Variants in WDR13 observed in about 807,000 individuals in gnomAD.
WDR13 encodes WD repeat-containing protein 13.
A neutral mutation model predicts 28.6 loss-of-function variants in WDR13; 1 was observed. The observed-to-expected ratio is 0.03, with a 90% CI of 0.01 to 0.17. The LOEUF (loss-of-function observed/expected upper bound fraction) is 0.17. Among genes scored for constraint, WDR13 ranks in the 10% least tolerant of loss-of-function variants. The probability of loss-of-function intolerance (pLI) is 1.00; values close to 1 mark genes in which losing one functional copy is unlikely to be tolerated. For synonymous variants in WDR13, 201 were observed against 185.9 expected (o/e 1.08, Z -0.66); for missense variants, 264 against 469.3 (o/e 0.56, Z 4.04).
rs35565194 is a variant in WDR13 at position 48,605,756 on chromosome X, G to A, written c.*724G>A. On this transcript the variant is annotated 3_prime_UTR_variant, in exon 10 of 10. Transcript: ENST00000376729. ...TTTTTGTATTTTTAGTAGAGACGGG[G>A]TCTCGCCATGTTGCTCAGGCTGGTC... is the stretch of plus-strand genomic sequence containing the variant. 32,606 of 109,965 alleles carry A rather than the reference G, an allele frequency of 0.3. 3,786 individuals are homozygous for A. The highest frequency in any genetic ancestry group is 0.44 in the East Asian group (1,492 of 3,420). The allele number at this position is 109,965 out of a possible 1,213,427, so 9.1% of individuals were successfully genotyped here.
chrX:48,604,023 C>T (rs781808446), intron 8 of WDR13, among the ~76,000 whole-genome samples: 6 of 110,701 alleles, frequency 5.4e-5, no homozygotes, highest in South Asian at 3.9e-4. Flanking sequence ...TAGGTAGTCC[C>T]GGCTACTCGG....
rs148267812 is a variant in WDR13, at chrX:48,604,553, G to A, written c.1273+163G>A. Among the ~76,000 whole-genome samples the A allele has an allele frequency of 5.3e-5, 6 of 112,618 alleles. No homozygotes were observed. The East Asian group carries it at 1.7e-3, about 32-fold the overall frequency. On this transcript the variant is annotated intron_variant, in intron 9 of 9. Coordinates refer to ENST00000376729, the MANE Select transcript of WDR13 (RefSeq NM_001347217.2). Reference sequence around the variant, plus strand: ...ACTGTGGAACTCACAGCTCCAAACAGCTCAGAGAACTCACAGTTTGCACTT... The same window carrying A: ...ACTGTGGAACTCACAGCTCCAAACAACTCAGAGAACTCACAGTTTGCACTT...
At chrX:48,598,088 C>A (rs782070366) in intron 2 of WDR13, 51 bp downstream of exon 2, 12 of 1,156,490 alleles carry the variant, frequency 1.0e-5, no homozygotes, top group African/African-American at 1.8e-5. Flanking sequence ...GTGGTGCATG[C>A]GCAATGGCGA....
intron 5 of WDR13, chrX:48,600,041 GC>G: frequency 2.4e-6 from 1 of 414,502 alleles, no homozygotes; most frequent in East Asian, 4.0e-5. Context: ...TTTGCAAATT[GC>G]CAAGACCTTG....
In WDR13 at chrX:48,604,827, C is replaced by T. The variant is rs782704022; in HGVS notation, c.1274-21C>T. 5 of 1,197,302 alleles carry T rather than the reference C, an allele frequency of 4.2e-6. No homozygotes were observed. The East Asian group carries it at 1.2e-4, about 29-fold the overall frequency. On this transcript the variant is annotated intron_variant, in intron 9 of 9. Coordinates refer to ENST00000376729, the MANE Select transcript of WDR13 (RefSeq NM_001347217.2). ...GGCACCCCAGGCGCCTCCCGATGGC[C>T]TCTCCCTCTCACCCCGACAGTGACG...
At chrX:48,598,096 C>T in intron 2 of WDR13, 59 bp downstream of exon 2, 1 of 1,154,502 alleles carries the variant, frequency 8.7e-7, no homozygotes, top group Middle Eastern at 2.3e-4. Context: ...TGCGCAATGG[C>T]GATAAGTGAG....
intron 1 of WDR13, 86 bp from the exon 2 acceptor site, chrX:48,597,872 T>A: frequency 1.9e-6 from 2 of 1,064,111 alleles, no homozygotes. Context: ...AGGGACTCGA[T>A]GTCTATGGCA....
At chrX:48,604,734 T>C in intron 9 of WDR13, 114 bp from the exon 10 acceptor site, 1 of 898,170 alleles carries the variant, frequency 1.1e-6, no homozygotes, top group Non-Finnish European at 1.5e-6. Context: ...CCCCAAGCCA[T>C]GCTAGGACCT....
chrX:48,604,433 G>A, intron 9 of WDR13, 43 bp downstream of exon 9: 2 of 1,135,373 alleles, frequency 1.8e-6, no homozygotes, highest in Non-Finnish European at 2.4e-6. Context: ...CTGGGGAGGG[G>A]CAGGAACCAG....
chrX:48,603,944 A>C (rs1211173373), intron 8 of WDR13, among the ~76,000 whole-genome samples: 1 of 111,354 alleles, frequency 9.0e-6, no homozygotes, highest in African/African-American at 3.3e-5. Context: ...CTCACACATC[A>C]GCCCCTACTT....
At chrX:48,602,870 C>G (rs1349825635) in intron 8 of WDR13, among the ~76,000 whole-genome samples, 1 of 111,017 alleles carries the variant, frequency 9.0e-6, no homozygotes, top group African/African-American at 3.3e-5. Context: ...TAAGCGTACC[C>G]TTAAGTTTGC....
chrX:48,602,345 C>T (rs782331115), intron 8 of WDR13, 139 bp downstream of exon 8: 16 of 702,196 alleles, frequency 2.3e-5, no homozygotes, highest in South Asian at 3.0e-5. Context: ...GTAGTGAGCG[C>T]GTTTACAGCC....
In WDR13 at chrX:48,600,744, C is replaced by G. The variant is rs372275605; in HGVS notation, c.831+118C>G. The G allele has an allele frequency of 3.5e-5, 30 of 856,603 alleles. No homozygotes were observed. In the Admixed American group the frequency reaches 8.0e-4, roughly 23 times the overall value. The allele number at this position is 856,603 out of a possible 1,213,427, so 70.6% of individuals were successfully genotyped here. A position where few individuals can be genotyped will look rare whatever the true frequency, so the allele number is the denominator to read the frequency against. ...GGGGGCCTAGGACCCCCCCACCCCC[C>G]ACCCAATCTCGTCAGAGCAGTCCTA... On this transcript the variant is annotated intron_variant, in intron 6 of 9. Transcript: ENST00000376729.
At position 48,605,086 on chromosome X, in the gene WDR13, G is replaced by A. The variant is rs782550082; in HGVS notation, c.*54G>A. On this transcript the variant is annotated 3_prime_UTR_variant, in exon 10 of 10. Coordinates refer to ENST00000376729, the MANE Select transcript of WDR13 (RefSeq NM_001347217.2). ...ATCCCACCCCTCTTACTCCAGCCTC[G>A]TGTTGTAAATAAAGTTTCGGTGGTC... is the stretch of plus-strand genomic sequence containing the variant. 149 of 1,151,384 alleles carry A rather than the reference G, an allele frequency of 1.3e-4. No homozygotes were observed. The highest frequency in any genetic ancestry group is 1.7e-4 in the Non-Finnish European group (143 of 859,580). 94.9% of individuals were successfully genotyped at this position (1,151,384 alleles called of 1,213,427 possible).
In WDR13 at chrX:48,604,317, C is replaced by T. The variant is rs374917349; in HGVS notation, c.1200C>T (p.Pro400=). ...EGTLQLKRSF[P]IEQSSHPVRS... ...CCCTGCAGCTGAAGAGAAGCTTCCC[C>T]ATCGAGCAGAGCTCACATCCTGTGC... Residue 400 remains proline, a synonymous_variant, in exon 9 of 10, where the codon CCC becomes CCT. Coordinates refer to ENST00000376729, the MANE Select transcript of WDR13 (RefSeq NM_001347217.2). 2.1e-5 allele frequency: 25 copies of T among 1,209,699 alleles called. No individual in the cohort carries two copies. The African/African-American group carries it at 4.2e-4, about 20-fold the overall frequency.
intron 5 of WDR13, 29 bp downstream of exon 5, chrX:48,599,746 C>T (rs782185398): frequency 2.7e-5 from 33 of 1,206,959 alleles, no homozygotes; most frequent in South Asian, 5.3e-5. Context: ...GGTTCCATCA[C>T]CAAGCGTTTG....
At chrX:48,600,833 C>T (rs944664563) in intron 6 of WDR13, 10 of 439,879 alleles carry the variant, frequency 2.3e-5, no homozygotes, top group Middle Eastern at 6.1e-4. Flanking sequence ...CAGTGGCTCA[C>T]GCCTGTAATC....
At position 48,600,378 on chromosome X, in the gene WDR13, G is replaced by A. The variant is rs782353742; in HGVS notation, c.583G>A (p.Gly195Ser). 6 of 1,210,070 alleles carry A rather than the reference G, an allele frequency of 5.0e-6. No homozygotes were observed. The highest frequency in any genetic ancestry group is 1.7e-5 in the African/African-American group (1 of 57,972). ...RHRLACCSLD[G>S]SISLCQLVPA... is the part of the protein sequence containing the mutation. Reference sequence around the variant, plus strand: ...CCGCCTGGCCTGCTGCTCACTCGACGGCAGCATCTCCCTGTGCCAGCTGGT... The same window carrying A: ...CCGCCTGGCCTGCTGCTCACTCGACAGCAGCATCTCCCTGTGCCAGCTGGT... The change falls in exon 6 of 10, where the codon GGC becomes AGC. Residue 195 changes from glycine to serine, a missense_variant. Gly to Ser is a moderately conservative substitution (Grantham distance 56). Around this residue, in one of 4 missense-constraint regions of WDR13, gnomAD observed 157 missense variants for 270.2 expected, o/e 0.58. Coordinates refer to ENST00000376729, the MANE Select transcript of WDR13 (RefSeq NM_001347217.2).
intron 8 of WDR13, among the ~76,000 whole-genome samples, chrX:48,603,097 C>T (rs1556995132): frequency 1.8e-5 from 2 of 111,936 alleles, no homozygotes; most frequent in Non-Finnish European, 1.9e-5. Context: ...CTCACTGCAA[C>T]CTCCAACTCC....
Sources: gnomAD v4.1 joint callset for allele counts (sites outside exome capture counted in the v4.1 genomes callset) on GRCh38, gnomAD v4.1.1 for gene constraint, gnomAD v4.1.1 regional missense constraint, MANE v1.5 for transcripts, NCBI Gene and HGNC (gene_info 2026-07-23, HGNC 2026-07-21) for gene names.